Variants in DOCK3 observed in about 807,000 individuals in gnomAD.
DOCK3 encodes dedicator of cytokinesis 3, also known as dedicator of cytokinesis protein 3.
A neutral mutation model predicts 265.6 loss-of-function variants in DOCK3; 60 were observed. That is an observed-to-expected ratio of 0.23 (90% CI 0.18 to 0.28). The LOEUF (loss-of-function observed/expected upper bound fraction) is 0.28, where lower values mean the gene tolerates loss of function less well. Ranked by LOEUF, DOCK3 falls within the 10% of genes least tolerant of loss-of-function variation. DOCK3 has a pLI of 1.00. For missense variants in DOCK3, 1,981 were observed against 2,594.3 expected, an observed-to-expected ratio of 0.76 and a Z score of 5.14; for synonymous variants, 881 against 938.0, an observed-to-expected ratio of 0.94 and a Z score of 1.11.
In DOCK3 at chr3:51,270,949, C is replaced by A; in HGVS notation, c.2490C>A (p.Asp830Glu). 6.2e-7 allele frequency: 1 copy of A among 1,613,984 alleles called. No homozygotes were observed. Among genetic ancestry groups the A allele is most frequent in the Non-Finnish European group, 8.5e-7 (1 of 1,179,896 alleles). The change falls in exon 24 of 53, where the codon GAC becomes GAA. Residue 830 changes from aspartate (D) to glutamate (E), a missense_variant. By Grantham distance (45) the Asp-to-Glu change is conservative. This residue lies in a region of DOCK3 where 1,357 missense variants were observed against 1,866.8 expected (regional missense o/e 0.73). Coordinates refer to ENST00000266037, the MANE Select transcript of DOCK3 (RefSeq NM_004947.5). ...CTGTGCACATTGGGCAGTCAATGGA[C>A]GTGGTCAAGCTGCAGTCCATTGCCA... ...PSTVHIGQSMDVVKLQSIART... is the reference protein window; with the variant it reads ...PSTVHIGQSMEVVKLQSIART...
chr3:51,141,872 A>G (rs999802576), intron 9 of DOCK3, among the ~76,000 whole-genome samples: 1 of 151,400 alleles, frequency 6.6e-6, no homozygotes, highest in Non-Finnish European at 1.5e-5. Flanking sequence ...CCACTTTTTC[A>G]CTTGTCTGTG....
chr3:51,352,794 GC>G (rs1212463899), intron 40 of DOCK3, among the ~76,000 whole-genome samples: 7 of 152,194 alleles, frequency 4.6e-5, no homozygotes, highest in Non-Finnish European at 1.0e-4. Context: ...AGCAGTGGGG[GC>G]CAGATCTGTC....
At chr3:50,808,351 G>C (rs2043551442) in intron 2 of DOCK3, among the ~76,000 whole-genome samples, 1 of 152,048 alleles carries the variant, frequency 6.6e-6, no homozygotes, top group South Asian at 2.1e-4. Context: ...TATGGAAATT[G>C]AACAGCTGAT....
At position 50,748,721 on chromosome 3, in the gene DOCK3, A is replaced by G. The variant is rs80146254; in HGVS notation, c.38-29954A>G. On this transcript the variant is annotated intron_variant, in intron 1 of 52. Transcript: ENST00000266037. ...TTTCATCGTGGTTTCTTACCAAACT[A>G]CTTTCTGCTACACCTTGTAGTATAC... Among the ~76,000 whole-genome samples the G allele has an allele frequency of 2.6e-4, 40 of 152,238 alleles. 1 individual carries two copies. The East Asian group carries it at 5.8e-3, about 22-fold the overall frequency.
At chr3:50,700,061 C>T (rs1456631869) in intron 1 of DOCK3, among the ~76,000 whole-genome samples, 2 of 151,972 alleles carry the variant, frequency 1.3e-5, no homozygotes, top group Admixed American at 1.3e-4. Flanking sequence ...GCAAGATCAC[C>T]TGAGGTCATG....
intron 1 of DOCK3, chr3:50,685,621 A>G (rs1271371067): frequency 5.9e-6 from 1 of 168,256 alleles, no homozygotes; most frequent in Admixed American, 6.1e-5. Context: ...CCACACCATT[A>G]TGGCATGTTA....
In DOCK3 at chr3:51,375,833, A is replaced by G; in HGVS notation, c.5498A>G (p.Lys1833Arg). The G allele has an allele frequency of 6.2e-7, 1 of 1,613,860 alleles. No individual in the cohort carries two copies. The highest frequency in any genetic ancestry group is 2.2e-5 in the East Asian group (1 of 44,868). ...CSDPNLSVAE[K>R]GHYSLHFDAF... is the part of the protein sequence containing the mutation. ...GATCCCAATCTGTCTGTGGCTGAAA[A>G]AGGTATTGTTGCCCAGGTGGCCTTC... Residue 1833 changes from lysine to arginine, a missense_variant and splice_region_variant, in exon 51 of 53, where the codon AAA becomes AGA. Coordinates refer to ENST00000266037, the MANE Select transcript of DOCK3 (RefSeq NM_004947.5).
chr3:51,287,793 A>C (rs567357216), intron 27 of DOCK3, among the ~76,000 whole-genome samples: 101 of 152,270 alleles, frequency 6.6e-4, no homozygotes, highest in Non-Finnish European at 1.1e-3. Context: ...TATATAACCA[A>C]AGGAAAATAA....
chr3:51,041,428 AG>A (rs2080527259), intron 5 of DOCK3, among the ~76,000 whole-genome samples: 1 of 151,392 alleles, frequency 6.6e-6, no homozygotes, highest in Non-Finnish European at 1.5e-5. Flanking sequence ...TGTGTTAGCC[AG>A]GATGGTCTCG....
intron 5 of DOCK3, among the ~76,000 whole-genome samples, chr3:51,034,986 A>C (rs2080207572): frequency 6.6e-6 from 1 of 151,968 alleles, no homozygotes; most frequent in Non-Finnish European, 1.5e-5. Context: ...TTTTCCTCTG[A>C]CTTTTTAAGA....
At chr3:50,829,846 T>G (rs557000335) in intron 2 of DOCK3, among the ~76,000 whole-genome samples, 1 of 152,312 alleles carries the variant, frequency 6.6e-6, no homozygotes, top group Non-Finnish European at 1.5e-5. Flanking sequence ...GTGACTAATT[T>G]TAATGAAATA....
chr3:51,238,504 T>C (rs765083319), intron 21 of DOCK3, among the ~76,000 whole-genome samples: 1 of 152,102 alleles, frequency 6.6e-6, no homozygotes, highest in Non-Finnish European at 1.5e-5. Flanking sequence ...AGGTTTGTTA[T>C]ATAGGTAAAT....
chr3:51,122,570 AT>A (rs1258116849), intron 9 of DOCK3, among the ~76,000 whole-genome samples: 2 of 152,226 alleles, frequency 1.3e-5, no homozygotes, highest in Non-Finnish European at 2.9e-5. Flanking sequence ...ATTGAAACAT[AT>A]TTTTACTTCC....
intron 12 of DOCK3, among the ~76,000 whole-genome samples, chr3:51,174,532 A>G (rs1283392283): frequency 6.6e-6 from 1 of 151,852 alleles, no homozygotes; most frequent in Admixed American, 6.6e-5. Flanking sequence ...TTATTTCCTG[A>G]TTTCTTTTAG....
At chr3:50,900,198 T>G (rs918972213) in intron 4 of DOCK3, among the ~76,000 whole-genome samples, 3 of 152,196 alleles carry the variant, frequency 2.0e-5, no homozygotes, top group Non-Finnish European at 4.4e-5. Flanking sequence ...TTCTCTTATC[T>G]TGTCTTCTCG....
chr3:51,172,530 C>T (rs1228396324), intron 12 of DOCK3, among the ~76,000 whole-genome samples: 1 of 152,154 alleles, frequency 6.6e-6, no homozygotes, highest in Non-Finnish European at 1.5e-5. Context: ...CTCTTATAGG[C>T]AGCATATTGA....
chr3:50,857,352 T>C (rs934668394), intron 3 of DOCK3, among the ~76,000 whole-genome samples: 3 of 152,186 alleles, frequency 2.0e-5, no homozygotes, highest in African/African-American at 7.2e-5. Flanking sequence ...ATTTTTAAAC[T>C]TCATATTGGT....
At chr3:51,081,463 G>C (rs2082233788) in intron 7 of DOCK3, among the ~76,000 whole-genome samples, 1 of 152,124 alleles carries the variant, frequency 6.6e-6, no homozygotes, top group Admixed American at 6.5e-5. Flanking sequence ...TACCAATTTT[G>C]AATAATAATT....
chr3:50,759,051 A>G (rs2040367824), intron 1 of DOCK3, among the ~76,000 whole-genome samples: 1 of 152,194 alleles, frequency 6.6e-6, no homozygotes, highest in Admixed American at 6.5e-5. Context: ...TCACTATTGT[A>G]TATAATCGTG....
Sources: gnomAD v4.1 joint callset for allele counts (sites outside exome capture counted in the v4.1 genomes callset) on GRCh38, gnomAD v4.1.1 for gene constraint, gnomAD v4.1.1 regional missense constraint, MANE v1.5 for transcripts, NCBI Gene and HGNC (gene_info 2026-07-23, HGNC 2026-07-21) for gene names.